The following MAPKAP1 variants were observed in gnomAD, a reference collection of about 807,000 sequenced individuals.
MAPKAP1 encodes the protein MAPK associated protein 1.
Under a neutral mutation model 65.7 loss-of-function variants are expected in MAPKAP1, and 20 were observed. The ratio of observed to expected loss-of-function variants is 0.30; its 90% CI spans 0.21 to 0.44. The LOEUF is 0.44. MAPKAP1 is among the 20% of genes least tolerant of loss of function. MAPKAP1 has a pLI of 1.00. For synonymous variants in MAPKAP1, 222 were observed against 244.3 expected, an observed-to-expected ratio of 0.91 and a Z score of 0.85; for missense variants, 423 against 648.0, an observed-to-expected ratio of 0.65 and a Z score of 3.77.
intron 5 of MAPKAP1, among the ~76,000 whole-genome samples, chr9:125,585,018 A>C (rs1342598064): frequency 6.6e-6 from 1 of 152,258 alleles, no homozygotes; most frequent in Admixed American, 6.5e-5. Context: ...CAAAGGTTCT[A>C]TAGAAGGCAG....
chr9:125,468,196 A>C (rs1185584454), intron 9 of MAPKAP1, 87 bp from the exon 10 acceptor site: 3 of 1,427,708 alleles, frequency 2.1e-6, no homozygotes, highest in East Asian at 2.3e-5. Flanking sequence ...CTGTTTTATA[A>C]ATCTGAAATT....
At chr9:125,517,272 A>C (rs573053897) in intron 7 of MAPKAP1, among the ~76,000 whole-genome samples, 1 of 152,330 alleles carries the variant, frequency 6.6e-6, no homozygotes, top group South Asian at 2.1e-4. Context: ...GTGGGAGACC[A>C]GGCAGCAGGG....
chr9:125,555,180 T>A (rs1238777191), intron 6 of MAPKAP1, among the ~76,000 whole-genome samples: 1 of 152,362 alleles, frequency 6.6e-6, no homozygotes, highest in East Asian at 1.9e-4. Context: ...TTTGCATGTA[T>A]CTAAGTAGCA....
At chr9:125,488,625 C>T (rs904031025) in intron 8 of MAPKAP1, among the ~76,000 whole-genome samples, 7 of 152,162 alleles carry the variant, frequency 4.6e-5, no homozygotes, top group Non-Finnish European at 8.8e-5. Context: ...GGATTACAGG[C>T]GTGAGCCACC....
intron 7 of MAPKAP1, chr9:125,521,511 T>C (rs192384698): frequency 2.9e-5 from 38 of 1,291,674 alleles, no homozygotes; most frequent in Middle Eastern, 2.2e-4. Flanking sequence ...AATTGTAAAA[T>C]AGTTTATGGA....
At chr9:125,669,751 A>C in intron 3 of MAPKAP1, 67 bp downstream of exon 3, 1 of 795,980 alleles carries the variant, frequency 1.3e-6, no homozygotes, top group Non-Finnish European at 1.9e-6. Flanking sequence ...AATTAAAAAT[A>C]AAAGTTCTTA....
chr9:125,592,186 A>C (rs1831985618), intron 4 of MAPKAP1, among the ~76,000 whole-genome samples: 1 of 152,228 alleles, frequency 6.6e-6, no homozygotes, highest in Non-Finnish European at 1.5e-5. Context: ...AATGTCACGA[A>C]AGTTTTAAGA....
intron 10 of MAPKAP1, among the ~76,000 whole-genome samples, chr9:125,448,983 T>A (rs1589197592): frequency 7.6e-6 from 1 of 131,328 alleles, no homozygotes; most frequent in Non-Finnish European, 1.5e-5. Flanking sequence ...CTGGCCTGGG[T>A]GACAGAGCGA....
intron 5 of MAPKAP1, among the ~76,000 whole-genome samples, chr9:125,578,816 A>G (rs12350433): frequency 0.053 from 7,998 of 152,310 alleles, 445 homozygotes; most frequent in Admixed American, 0.11. Flanking sequence ...AATCATCCAT[A>G]GACCAAATAG....
intron 4 of MAPKAP1, among the ~76,000 whole-genome samples, chr9:125,615,403 A>G (rs551698555): frequency 2.8e-4 from 42 of 152,240 alleles, no homozygotes; most frequent in African/African-American, 9.9e-4. Context: ...AAATGTATAT[A>G]TGGAAGGGGC....
At chr9:125,633,263 G>A (rs7035445) in intron 4 of MAPKAP1, among the ~76,000 whole-genome samples, 5,813 of 152,216 alleles carry the variant, frequency 0.038, 380 homozygotes, top group African/African-American at 0.13. Flanking sequence ...TGAGTAACAG[G>A]GACAGCAAGG....
At chr9:125,706,343 C>T (rs1835758061) in intron 1 of MAPKAP1, among the ~76,000 whole-genome samples, 1 of 152,040 alleles carries the variant, frequency 6.6e-6, no homozygotes, top group African/African-American at 2.4e-5. Context: ...GTGCTTTGTA[C>T]AGTGCCAGGT....
intron 9 of MAPKAP1, among the ~76,000 whole-genome samples, chr9:125,472,575 C>T (rs970366890): frequency 6.6e-6 from 1 of 152,126 alleles, no homozygotes; most frequent in Non-Finnish European, 1.5e-5. Context: ...TACAGTGTCA[C>T]GTATGCACTG....
At chr9:125,625,530 C>T (rs987462053) in intron 4 of MAPKAP1, among the ~76,000 whole-genome samples, 2 of 152,152 alleles carry the variant, frequency 1.3e-5, no homozygotes, top group African/African-American at 4.8e-5. Flanking sequence ...TGTGGCAGCT[C>T]ACGCCTGTAA....
intron 9 of MAPKAP1, among the ~76,000 whole-genome samples, chr9:125,476,693 T>A (rs1388015818): frequency 2.0e-5 from 3 of 152,178 alleles, no homozygotes; most frequent in Non-Finnish European, 4.4e-5. Flanking sequence ...TTTCTTAAGT[T>A]TGCATGTTGT....
intron 7 of MAPKAP1, among the ~76,000 whole-genome samples, chr9:125,524,193 C>T (rs1829699840): frequency 6.6e-6 from 1 of 152,214 alleles, no homozygotes; most frequent in Non-Finnish European, 1.5e-5. Context: ...AAGTTCTCAC[C>T]TCAGTACCTT....
intron 7 of MAPKAP1, among the ~76,000 whole-genome samples, chr9:125,528,711 G>A (rs1829844207): frequency 6.6e-6 from 1 of 151,644 alleles, no homozygotes; most frequent in African/African-American, 2.4e-5. Context: ...GCTGGGCGTG[G>A]TGGCACATGC....
chr9:125,475,136 C>T (rs1368978672), intron 9 of MAPKAP1, among the ~76,000 whole-genome samples: 2 of 152,134 alleles, frequency 1.3e-5, no homozygotes, highest in Non-Finnish European at 2.9e-5. Context: ...AAAATTGAGG[C>T]TCAGGGCTGG....
intron 5 of MAPKAP1, among the ~76,000 whole-genome samples, chr9:125,582,262 T>C (rs1251582489): frequency 2.0e-5 from 3 of 152,248 alleles, no homozygotes; most frequent in African/African-American, 7.2e-5. Flanking sequence ...AAGTGAAACA[T>C]GAATGTTATT....
Sources: allele counts gnomAD v4.1 joint callset (sites outside exome capture counted in the v4.1 genomes callset), GRCh38; gene constraint gnomAD v4.1.1; transcripts MANE v1.5; gene names NCBI Gene and HGNC (gene_info 2026-07-23, HGNC 2026-07-21).